The following GSE1 variants were observed in gnomAD, a reference collection of about 807,000 sequenced individuals.
The protein encoded by GSE1 is Gse1 coiled-coil protein.
A neutral mutation model predicts 112.6 loss-of-function variants in GSE1; 32 were observed. The ratio of observed to expected loss-of-function variants is 0.28; its 90% confidence interval spans 0.21 to 0.38. GSE1 has a LOEUF of 0.38. Ranked by LOEUF, GSE1 falls within the 10% of genes least tolerant of loss-of-function variation. The pLI, the probability that GSE1 is intolerant of heterozygous loss-of-function variation, is 1.00. For missense variants in GSE1, 2,348 were observed against 1,699.2 expected (o/e 1.38, Z -6.71); for synonymous variants, 1,115 against 735.6 (o/e 1.52, Z -8.35).
At chr16:85,662,558 C>T (rs2052524007) in intron 9 of GSE1, 1 of 161,120 alleles carries the variant, frequency 6.2e-6, no homozygotes, top group Non-Finnish European at 1.3e-5. Context: ...TGCTATTGTT[C>T]TCTGTGTCTT....
chr16:85,611,878 G>A (rs1439625586), upstream of GSE1, among the ~76,000 whole-genome samples: 1 of 151,846 alleles, frequency 6.6e-6, no homozygotes, highest in Non-Finnish European at 1.5e-5. Flanking sequence ...AGGGAGGAAG[G>A]CGGGGGAGGC....
At chr16:85,525,979 G>A (rs1406350801) in intron 2 of GSE1, among the ~76,000 whole-genome samples, 2 of 152,194 alleles carry the variant, frequency 1.3e-5, no homozygotes, top group African/African-American at 4.8e-5. Context: ...GACTCTGCCG[G>A]GGTAGAAAGG....
chr16:85,512,915 G>T (rs2151935737), intron 2 of GSE1, among the ~76,000 whole-genome samples: 1 of 152,282 alleles, frequency 6.6e-6, no homozygotes, highest in Non-Finnish European at 1.5e-5. Context: ...CCTTGAGAGA[G>T]TTGGAAGGGC....
chr16:85,258,756 G>A (rs542991612), intron 1 of GSE1, among the ~76,000 whole-genome samples: 44 of 152,314 alleles, frequency 2.9e-4, no homozygotes, highest in African/African-American at 8.4e-4. Flanking sequence ...GGAGGGACAC[G>A]CTTGTCATGT....
chr16:85,513,446 C>G (rs957085982), intron 2 of GSE1, among the ~76,000 whole-genome samples: 1 of 152,246 alleles, frequency 6.6e-6, no homozygotes, highest in East Asian at 1.9e-4. Context: ...TGCCTAGAAG[C>G]ACTAGCCGTC....
At chr16:85,433,967 C>T (rs1262893164) in intron 2 of GSE1, among the ~76,000 whole-genome samples, 1 of 152,098 alleles carries the variant, frequency 6.6e-6, no homozygotes, top group Non-Finnish European at 1.5e-5. Flanking sequence ...CCTCATATCC[C>T]TAGTGGAAAG....
chr16:85,589,801 CGT>C (rs565560835), intron 1 of GSE1, among the ~76,000 whole-genome samples: 1 of 151,126 alleles, frequency 6.6e-6, no homozygotes, highest in Non-Finnish European at 1.5e-5. Flanking sequence ...ATGTGTGAGA[CGT>C]GTGTGAATGT....
intron 1 of GSE1, among the ~76,000 whole-genome samples, chr16:85,259,364 C>T (rs1159259565): frequency 6.6e-6 from 1 of 152,176 alleles, no homozygotes; most frequent in Non-Finnish European, 1.5e-5. Flanking sequence ...CCGTGCTCCA[C>T]CCCTCCTGCC....
intron 1 of GSE1, among the ~76,000 whole-genome samples, chr16:85,602,196 C>T (rs1326064557): frequency 2.0e-5 from 3 of 152,048 alleles, no homozygotes; most frequent in African/African-American, 7.3e-5. Context: ...CTGCCAGGGC[C>T]GGGTTAGCAG....
rs553671981 is a variant in GSE1 at position 85,212,086 on chromosome 16, G to A, written c.2283+40279G>A. Among the ~76,000 whole-genome samples, 9 of 152,326 alleles carry A rather than the reference G, an allele frequency of 5.9e-5. No homozygotes were observed. The South Asian group carries it at 1.9e-3, about 32-fold the overall frequency. ...TCCTCGGAATGTGCCTGTGTCTGTA[G>A]ATAGGGTCTTCAGAAAGGTATTAAT... On this transcript the variant is annotated intron_variant, in intron 1 of 2. Coordinates refer to the GSE1 transcript ENST00000637419.
intron 1 of GSE1, among the ~76,000 whole-genome samples, chr16:85,214,372 T>C (rs994315239): frequency 6.6e-6 from 1 of 151,686 alleles, no homozygotes; most frequent in African/African-American, 2.4e-5. Context: ...GGGACTGATG[T>C]CCTCACAAGA....
chr16:85,438,603 C>T (rs1003135087), intron 2 of GSE1, among the ~76,000 whole-genome samples: 6 of 152,158 alleles, frequency 3.9e-5, no homozygotes, highest in Non-Finnish European at 5.9e-5. Context: ...TCTTACAGCT[C>T]GGAAGGGAGT....
At chr16:85,200,756 C>G (rs141146176) in intron 1 of GSE1, among the ~76,000 whole-genome samples, 3 of 152,306 alleles carry the variant, frequency 2.0e-5, no homozygotes, top group African/African-American at 7.2e-5. Context: ...GGGAAATGGA[C>G]TATTTCAGCT....
chr16:85,430,048 C>G (rs559580808), intron 2 of GSE1, among the ~76,000 whole-genome samples: 3 of 152,338 alleles, frequency 2.0e-5, no homozygotes, highest in South Asian at 2.1e-4. Flanking sequence ...TCTTCACCTC[C>G]TAGTCCTCGG....
chr16:85,609,430 G>C (rs1004545868), upstream of GSE1, among the ~76,000 whole-genome samples: 1 of 152,196 alleles, frequency 6.6e-6, no homozygotes, highest in Non-Finnish European at 1.5e-5. Flanking sequence ...CTTGCTGAAG[G>C]CTTACTGGAA....
intron 2 of GSE1, among the ~76,000 whole-genome samples, chr16:85,534,622 G>C (rs2044261681): frequency 6.6e-6 from 1 of 152,120 alleles, no homozygotes; most frequent in Admixed American, 6.5e-5. Context: ...TTCGTCGTTT[G>C]TCTGCAGACT....
chr16:85,313,938 G>GTT (rs2045923632), intron 1 of GSE1, among the ~76,000 whole-genome samples: 1 of 151,482 alleles, frequency 6.6e-6, no homozygotes, highest in Non-Finnish European at 1.5e-5. Context: ...GTGTGTGTGT[G>GTT]TGTGTGTGTG....
chr16:85,516,023 C>G (rs2051923392), intron 2 of GSE1, among the ~76,000 whole-genome samples: 4 of 152,138 alleles, frequency 2.6e-5, no homozygotes, highest in Admixed American at 2.6e-4. Flanking sequence ...ATGCCAGTGC[C>G]TGGCAGCAGC....
intron 1 of GSE1, among the ~76,000 whole-genome samples, chr16:85,629,532 C>T (rs1178708916): frequency 6.6e-6 from 1 of 152,246 alleles, no homozygotes; most frequent in Non-Finnish European, 1.5e-5. Context: ...GAGCTGGGCC[C>T]TGGCTGGCTT....
Sources: gnomAD v4.1 joint callset for allele counts (sites outside exome capture counted in the v4.1 genomes callset) on GRCh38, gnomAD v4.1.1 for gene constraint, MANE v1.5 for transcripts, NCBI Gene and HGNC (gene_info 2026-07-23, HGNC 2026-07-21) for gene names.